PTPN14: variants seen among roughly 807,000 people sequenced by gnomAD.
The protein encoded by PTPN14 is tyrosine-protein phosphatase non-receptor type 14.
PTPN14 carries 53 observed loss-of-function variants against 126.8 expected under a neutral mutation model. The ratio of observed to expected loss-of-function variants is 0.42; its 90% CI spans 0.34 to 0.53. The LOEUF is 0.53. Ranked by LOEUF, PTPN14 falls within the 20% of genes least tolerant of loss-of-function variation. PTPN14 has a pLI of 0.08. For synonymous variants in PTPN14, 630 were observed against 599.3 expected (o/e 1.05, Z -0.75); for missense variants, 1,257 against 1,552.9 (o/e 0.81, Z 3.20).
chr1:214,390,914 T>TC (rs1223263044), intron 11 of PTPN14, 74 bp downstream of exon 11: 8 of 1,256,410 alleles, frequency 6.4e-6, no homozygotes, highest in South Asian at 6.0e-5. Context: ...GCCCTCATCA[T>TC]CCCCCCACCT....
intron 1 of PTPN14, among the ~76,000 whole-genome samples, chr1:214,484,225 A>C (rs1661063144): frequency 6.6e-6 from 1 of 152,136 alleles, no homozygotes; most frequent in Admixed American, 6.5e-5. Flanking sequence ...TCAACACAGT[A>C]TCACCTAGTC....
Position 214,364,515 on chromosome 1 carries a change from G to A in PTPN14, c.3432C>T (p.Asn1144=), listed in dbSNP as rs374113328. ...SELMIYCLEH[N]EKVEVPMMLR... is the part of the protein sequence containing the mutation. ...AGAGAAGCCCAGAATGACTCACTTC[G>A]TTATGTTCCAAGCAGTAGATCATCA... Residue 1144 remains asparagine, a synonymous_variant, in exon 18 of 19, where the codon AAC becomes AAT. Transcript: ENST00000366956. This position sits in a 1 kb window ranked among gnomAD's most constrained non-coding sequence, Gnocchi z 4.1. 6.6e-5 allele frequency: 107 copies of A among 1,613,578 alleles called. No individual in the cohort carries two copies. Among genetic ancestry groups the A allele is most frequent in the Middle Eastern group, 1.6e-4 (1 of 6,084 alleles).
rs537820674 is a variant in PTPN14, at chr1:214,466,628, T to C, written c.-154-1671A>G. On this transcript the variant is annotated intron_variant, in intron 1 of 18. Coordinates refer to ENST00000366956, the MANE Select transcript of PTPN14 (RefSeq NM_005401.5). ...ACTTGTCTTTCAAAGAAGCCAGAAA[T>C]GTCCAGAAAACTTTTCTGTCCAAAT... Among the ~76,000 whole-genome samples, 3 of 152,300 alleles carry C rather than the reference T, an allele frequency of 2.0e-5. No homozygotes were observed. In the East Asian group the frequency reaches 5.8e-4, roughly 29 times the overall value.
At chr1:214,393,191 A>G (rs1003159025) in intron 10 of PTPN14, among the ~76,000 whole-genome samples, 1 of 152,186 alleles carries the variant, frequency 6.6e-6, no homozygotes, top group African/African-American at 2.4e-5. Context: ...TGTCTTCCAC[A>G]TCTTCCTCTA....
At chr1:214,486,916 G>GA (rs1661125716) in intron 1 of PTPN14, among the ~76,000 whole-genome samples, 1 of 24,570 alleles carries the variant, frequency 4.1e-5, no homozygotes, top group Non-Finnish European at 7.8e-5. Context: ...TGGAAAAGTT[G>GA]ACCCCGTCAC....
chr1:214,388,216 T>C (rs1658667201), intron 11 of PTPN14, among the ~76,000 whole-genome samples: 1 of 152,112 alleles, frequency 6.6e-6, no homozygotes, highest in African/African-American at 2.4e-5. Flanking sequence ...CCTCAGTCGG[T>C]CTCAGTTTCC....
intron 2 of PTPN14, among the ~76,000 whole-genome samples, chr1:214,462,682 T>C (rs1009679141): frequency 1.9e-4 from 29 of 152,202 alleles, no homozygotes; most frequent in African/African-American, 6.8e-4. Flanking sequence ...TACCCCTGCA[T>C]TCTATTTTAG....
intron 1 of PTPN14, among the ~76,000 whole-genome samples, chr1:214,469,836 G>A (rs1467385380): frequency 3.4e-5 from 5 of 147,492 alleles, no homozygotes; most frequent in Non-Finnish European, 7.5e-5. Context: ...GCGGGGGTAT[G>A]TGGGAAATCT....
chr1:214,390,947 C>T, intron 11 of PTPN14, 41 bp downstream of exon 11: 1 of 1,413,418 alleles, frequency 7.1e-7, no homozygotes, highest in South Asian at 1.5e-5. Flanking sequence ...AAAGAATGCT[C>T]AACAGTCAGA....
At chr1:214,532,363 G>A (rs568060762) in intron 1 of PTPN14, 206 of 585,490 alleles carry the variant, frequency 3.5e-4, no homozygotes, top group Non-Finnish European at 5.5e-4. Flanking sequence ...TTGGGGTCCC[G>A]GGGCCTGGCC....
chr1:214,547,584 T>C (rs4465174), intron 1 of PTPN14, among the ~76,000 whole-genome samples: 6 of 152,208 alleles, frequency 3.9e-5, no homozygotes, highest in Admixed American at 2.0e-4. Flanking sequence ...TGTTTATATT[T>C]GGGCTTCAAA....
rs1025454415 is a variant in PTPN14 at position 214,353,288 on chromosome 1, T to G, written c.*4634A>C. 2 of 152,246 alleles carry G rather than the reference T, an allele frequency of 1.3e-5. No individual in the cohort carries two copies. The highest frequency in any genetic ancestry group is 1.3e-4 in the Admixed American group (2 of 15,288). The allele number at this position is 152,246 out of a possible 1,614,324, so 9.4% of individuals were successfully genotyped here. ...CATCTCTTGCATACTTTAAATCATC[T>G]CTAGATTATTTACAATACCTAACTC... is the stretch of plus-strand genomic sequence containing the variant. On this transcript the variant is annotated 3_prime_UTR_variant, in exon 19 of 19. Transcript: ENST00000366956.
intron 18 of PTPN14, among the ~76,000 whole-genome samples, chr1:214,360,258 C>A (rs1311931991): frequency 6.6e-6 from 1 of 152,172 alleles, no homozygotes; most frequent in Non-Finnish European, 1.5e-5. Context: ...ATGACACGTG[C>A]CATCAGTCAC....
Position 214,383,443 on chromosome 1 carries a change from G to T in PTPN14, c.2412C>A (p.Leu804=). 6.2e-7 allele frequency: 1 copy of T among 1,614,258 alleles called. No homozygotes were observed. The highest frequency in any genetic ancestry group is 1.3e-5 in the African/African-American group (1 of 75,070). ...GGTCGGGTTCCGAGATGGATGGGCCGAGAGAGGCCCCGTTGACAGCCGGCG... is the reference window on the plus strand; with the variant it reads ...GGTCGGGTTCCGAGATGGATGGGCCTAGAGAGGCCCCGTTGACAGCCGGCG... ...TDPPAVNGAS[L]GPSISEPDLT... The change falls in exon 13 of 19, where the codon CTC becomes CTA. Residue 804 remains leucine, a synonymous_variant. Coordinates refer to ENST00000366956, the MANE Select transcript of PTPN14 (RefSeq NM_005401.5). This position sits in a 1 kb window ranked among gnomAD's most constrained non-coding sequence, Gnocchi z 4.4.
chr1:214,507,286 C>A (rs1654867340), intron 1 of PTPN14, among the ~76,000 whole-genome samples: 1 of 152,160 alleles, frequency 6.6e-6, no homozygotes, highest in Admixed American at 6.5e-5. Context: ...CACTGGCTAA[C>A]AATCTCCACT....
Position 214,354,100 on chromosome 1 carries a change from A to G in PTPN14, c.*3822T>C, listed in dbSNP as rs1440005295. The G allele has an allele frequency of 1.3e-5, 2 of 152,238 alleles. No homozygotes were observed. Among genetic ancestry groups the G allele is most frequent in the Non-Finnish European group, 2.9e-5 (2 of 68,048 alleles). 9.4% of individuals were successfully genotyped at this position (152,238 alleles called of 1,614,324 possible). On this transcript the variant is annotated 3_prime_UTR_variant, in exon 19 of 19. Transcript: ENST00000366956. The stretch of plus-strand genomic sequence containing the variant: ...TAGGTGTAAGCCATGGTCAAGTCCT[A>G]CAAGGCCCACCCTCAGCAGTCTACA...
rs536130692 is a variant in PTPN14, at chr1:214,514,625, C to T, written c.-155+36558G>A. ...TGGTGCCTGAGTTTTAATGTGCTCC[C>T]GGGCAGGCGGGCGGGGCTGACTCAG... On this transcript the variant is annotated intron_variant, in intron 1 of 18. Coordinates refer to ENST00000366956, the MANE Select transcript of PTPN14 (RefSeq NM_005401.5). 3.9e-5 allele frequency among the ~76,000 whole-genome samples: 6 copies of T among 152,106 alleles called. No homozygotes were observed. In the East Asian group the frequency reaches 5.8e-4, roughly 15 times the overall value.
chr1:214,519,322 A>C (rs1486392277), intron 1 of PTPN14, among the ~76,000 whole-genome samples: 6 of 152,108 alleles, frequency 3.9e-5, no homozygotes, highest in Non-Finnish European at 8.8e-5. Context: ...TTTATACAGC[A>C]TTGCATTCCT....
chr1:214,468,273 C>T (rs1171220994), intron 1 of PTPN14, among the ~76,000 whole-genome samples: 3 of 152,124 alleles, frequency 2.0e-5, no homozygotes, highest in Non-Finnish European at 4.4e-5. Context: ...CCAACACATA[C>T]GGCTGGGTGC....
Sources: gnomAD v4.1 joint callset for allele counts (sites outside exome capture counted in the v4.1 genomes callset) on GRCh38, gnomAD v4.1.1 for gene constraint, Gnocchi (gnomAD v3.1) non-coding constraint, MANE v1.5 for transcripts, NCBI Gene and HGNC (gene_info 2026-07-23, HGNC 2026-07-21) for gene names.